The following ALX1 variants were observed in gnomAD, a reference collection of about 807,000 sequenced individuals.
The protein encoded by ALX1 is ALX homeobox protein 1.
A neutral mutation model predicts 31.7 loss-of-function variants in ALX1; 19 were observed. That is an observed-to-expected ratio of 0.60 (90% CI 0.42 to 0.88). The LOEUF (loss-of-function observed/expected upper bound fraction) is 0.88. ALX1 is among the 40% of genes least tolerant of loss of function. The probability of loss-of-function intolerance (pLI) is 0.00; values close to 1 mark genes in which losing one functional copy is unlikely to be tolerated. For missense variants in ALX1, 415 were observed against 407.8 expected (o/e 1.02, Z -0.15); for synonymous variants, 153 against 148.8 (o/e 1.03, Z -0.20).
intron 2 of ALX1, 89 bp downstream of exon 2, chr12:85,283,965 C>A: frequency 7.4e-7 from 1 of 1,353,688 alleles, no homozygotes; most frequent in Non-Finnish European, 1.1e-6. Flanking sequence ...CACAAAGAAA[C>A]AAACTGATTC....
intron 3 of ALX1, among the ~76,000 whole-genome samples, chr12:85,289,756 G>T (rs1316243726): frequency 6.6e-6 from 1 of 151,182 alleles, no homozygotes; most frequent in Non-Finnish European, 1.5e-5. Context: ...AAAGCCGGGG[G>T]AATTTTTATT....
At chr12:85,287,013 A>C (rs1396246167) in intron 3 of ALX1, 32 bp downstream of exon 3, 2 of 1,609,520 alleles carry the variant, frequency 1.2e-6, no homozygotes, top group East Asian at 2.2e-5. Context: ...ACTGATCAAG[A>C]AAAGGATATT....
intron 3 of ALX1, among the ~76,000 whole-genome samples, chr12:85,294,101 A>G (rs906275396): frequency 3.2e-4 from 48 of 151,374 alleles, no homozygotes; most frequent in African/African-American, 1.1e-3. Context: ...AAGTCCATAA[A>G]TGACTCCAAG....
rs766751848 is a variant in ALX1, at chr12:85,283,880, G to A, written c.531+4G>A. ...GCTCACTGAGGCCAGGGTCCAGGTAGGAGCCAAAAAGAGGCCTTGATGGAT... is the reference window on the plus strand; with the variant it reads ...GCTCACTGAGGCCAGGGTCCAGGTAAGAGCCAAAAAGAGGCCTTGATGGAT... On this transcript the variant is annotated splice_donor_region_variant and intron_variant, in intron 2 of 3. Coordinates refer to ENST00000316824, the MANE Select transcript of ALX1 (RefSeq NM_006982.3). 6.2e-7 allele frequency: 1 copy of A among 1,613,602 alleles called. No homozygotes were observed. The highest frequency in any genetic ancestry group is 1.1e-5 in the South Asian group (1 of 91,068).
intron 2 of ALX1, among the ~76,000 whole-genome samples, chr12:85,285,661 A>G (rs901553188): frequency 6.6e-6 from 1 of 152,040 alleles, no homozygotes; most frequent in Non-Finnish European, 1.5e-5. Context: ...AAGATATACA[A>G]GATTAGAATT....
intron 1 of ALX1, among the ~76,000 whole-genome samples, chr12:85,281,507 C>T (rs368195661): frequency 1.3e-5 from 2 of 152,112 alleles, no homozygotes; most frequent in African/African-American, 4.8e-5. Context: ...CCCCCTGCCC[C>T]CTATTTTATA....
intron 3 of ALX1, among the ~76,000 whole-genome samples, chr12:85,294,744 T>C (rs1896864413): frequency 6.6e-6 from 1 of 151,182 alleles, no homozygotes; most frequent in Non-Finnish European, 1.5e-5. Context: ...GTTTTCCTCT[T>C]AAATTATCAG....
chr12:85,282,611 C>T (rs942709166), intron 1 of ALX1, among the ~76,000 whole-genome samples: 3 of 152,208 alleles, frequency 2.0e-5, no homozygotes, highest in South Asian at 2.1e-4. Context: ...TTAAAAAGTG[C>T]TTCCCATTTC....
At chr12:85,296,592 C>T (rs1339884010) in intron 3 of ALX1, among the ~76,000 whole-genome samples, 3 of 151,346 alleles carry the variant, frequency 2.0e-5, no homozygotes, top group East Asian at 3.9e-4. Flanking sequence ...GGACAGAGTT[C>T]CCTGGACAGT....
intron 1 of ALX1, among the ~76,000 whole-genome samples, chr12:85,280,970 T>G (rs1593046388): frequency 6.6e-6 from 1 of 152,054 alleles, no homozygotes; most frequent in East Asian, 1.9e-4. Flanking sequence ...CAAAAAACCC[T>G]TTGAGCTCCT....
intron 3 of ALX1, among the ~76,000 whole-genome samples, chr12:85,294,785 T>A (rs1896865033): frequency 6.7e-6 from 1 of 149,476 alleles, no homozygotes; most frequent in Non-Finnish European, 1.5e-5. Context: ...TAATGGTGAT[T>A]TTTTTTTTAA....
chr12:85,283,303 T>TA (rs1184039076), intron 1 of ALX1, among the ~76,000 whole-genome samples: 1 of 152,176 alleles, frequency 6.6e-6, no homozygotes, highest in Non-Finnish European at 1.5e-5. Context: ...TGAATTTAAG[T>TA]AAAAAACATG....
intron 1 of ALX1, 37 bp from the exon 2 acceptor site, chr12:85,283,535 A>G: frequency 1.9e-6 from 3 of 1,606,838 alleles, no homozygotes; most frequent in Non-Finnish European, 1.7e-6. Context: ...GAGTTTCACA[A>G]TCCTGAGAAC....
chr12:85,300,408 G>A (rs1259263212), intron 3 of ALX1, among the ~76,000 whole-genome samples: 1 of 151,872 alleles, frequency 6.6e-6, no homozygotes. Context: ...TGATGTTTTT[G>A]CTAAATAGTT....
chr12:85,301,112 T>C, intron 3 of ALX1, 43 bp from the exon 4 acceptor site: 3 of 1,606,816 alleles, frequency 1.9e-6, no homozygotes, highest in South Asian at 1.1e-5. Context: ...AGAACAAAAG[T>C]GAGAACATGT....
intron 3 of ALX1, among the ~76,000 whole-genome samples, chr12:85,299,863 T>C (rs1306281395): frequency 6.6e-5 from 10 of 151,902 alleles, no homozygotes. Flanking sequence ...TAGAAACAAA[T>C]ATAGGAAGAC....
In ALX1 at chr12:85,291,879, G is replaced by T. The variant is rs571012546; in HGVS notation, c.660+4898G>T. Among the ~76,000 whole-genome samples, 132 of 151,228 alleles carry T rather than the reference G, an allele frequency of 8.7e-4. 1 individual carries two copies. The highest frequency in any genetic ancestry group is 3.4e-3 in the Middle Eastern group (1 of 294). The stretch of plus-strand genomic sequence containing the variant: ...AACATTAATGACTATGAGCTTTCCA[G>T]TCAGAGAGGTGTGGGTTCAAGTTTT... On this transcript the variant is annotated intron_variant, in intron 3 of 3. Coordinates refer to ENST00000316824, the MANE Select transcript of ALX1 (RefSeq NM_006982.3).
chr12:85,283,884 C>A lies in ALX1; in HGVS notation c.531+8C>A. 6.2e-7 allele frequency: 1 copy of A among 1,613,208 alleles called. No homozygotes were observed. Among genetic ancestry groups the A allele is most frequent in the Non-Finnish European group, 8.5e-7 (1 of 1,179,778 alleles). ...ACTGAGGCCAGGGTCCAGGTAGGAG[C>A]CAAAAAGAGGCCTTGATGGATGGGA... is the stretch of plus-strand genomic sequence containing the variant. On this transcript the variant is annotated splice_region_variant and intron_variant, in intron 2 of 3. Coordinates refer to ENST00000316824, the MANE Select transcript of ALX1 (RefSeq NM_006982.3).
chr12:85,282,159 G>A (rs1896682860), intron 1 of ALX1, among the ~76,000 whole-genome samples: 1 of 151,736 alleles, frequency 6.6e-6, no homozygotes, highest in Non-Finnish European at 1.5e-5. Context: ...AGATAGAACC[G>A]TTTGTTAATC....
Sources: allele counts gnomAD v4.1 joint callset (sites outside exome capture counted in the v4.1 genomes callset), GRCh38; gene constraint gnomAD v4.1.1; transcripts MANE v1.5; gene names NCBI Gene and HGNC (gene_info 2026-07-23, HGNC 2026-07-21).